Variants in MAF observed in about 807,000 individuals in gnomAD.
MAF encodes the protein MAF bZIP transcription factor, also known as transcription factor Maf.
In MAF, 10 loss-of-function variants were observed where a neutral mutation model predicts 22.0. That is an observed-to-expected ratio of 0.45 (90% CI 0.28 to 0.77). The LOEUF (loss-of-function observed/expected upper bound fraction) is 0.77, where lower values mean the gene tolerates loss of function less well. Among genes scored for constraint, MAF ranks in the 30% least tolerant of loss-of-function variants. The pLI, the probability that MAF is intolerant of heterozygous loss-of-function variation, is 0.12. For missense variants in MAF, 544 were observed against 548.4 expected, an observed-to-expected ratio of 0.99 and a Z score of 0.08; for synonymous variants, 337 against 255.8, an observed-to-expected ratio of 1.32 and a Z score of -3.03.
chr16:79,205,699 C>A, the MAF span: 1 of 152,156 alleles, frequency 6.6e-6, no homozygotes, highest in South Asian at 2.1e-4. Context: ...ATTTCAATAC[C>A]TACAGGAAGT....
At chr16:79,280,421 C>T in the MAF span, among the ~76,000 whole-genome samples, 30 of 152,196 alleles carry the variant, frequency 2.0e-4, no homozygotes, top group African/African-American at 7.0e-4. Context: ...AATACATGTT[C>T]GCAACTATTT....
At chr16:79,237,990 C>T in the MAF span, among the ~76,000 whole-genome samples, 3 of 152,102 alleles carry the variant, frequency 2.0e-5, no homozygotes, top group Non-Finnish European at 4.4e-5. Flanking sequence ...TGACTTGCTT[C>T]TCTACTGACC....
the MAF span, among the ~76,000 whole-genome samples, chr16:79,349,019 A>C: frequency 6.6e-6 from 1 of 152,128 alleles, no homozygotes; most frequent in Non-Finnish European, 1.5e-5. Flanking sequence ...CTCTTCCCCC[A>C]GATGTGGTGA....
chr16:79,326,827 A>T, the MAF span, among the ~76,000 whole-genome samples: 1 of 152,208 alleles, frequency 6.6e-6, no homozygotes, highest in African/African-American at 2.4e-5. Flanking sequence ...GGCAAATATC[A>T]CCAGTAATTC....
chr16:79,490,338 C>T, the MAF span, among the ~76,000 whole-genome samples: 2 of 152,180 alleles, frequency 1.3e-5, no homozygotes, highest in African/African-American at 4.8e-5. Flanking sequence ...GACTGAGATC[C>T]ATCAAAACTT....
chr16:79,401,141 G>A, the MAF span, among the ~76,000 whole-genome samples: 11 of 152,152 alleles, frequency 7.2e-5, no homozygotes, highest in East Asian at 3.9e-4. Context: ...AGGGCGTGGC[G>A]CTGGGTCCTC....
the MAF span, among the ~76,000 whole-genome samples, chr16:79,342,504 T>A: frequency 6.6e-6 from 1 of 152,074 alleles, no homozygotes; most frequent in African/African-American, 2.4e-5. Context: ...GGCCCTAAAT[T>A]TCCTGGGCAG....
At chr16:79,540,293 C>G in the MAF span, among the ~76,000 whole-genome samples, 4 of 151,856 alleles carry the variant, frequency 2.6e-5, no homozygotes, top group African/African-American at 7.3e-5. Flanking sequence ...CCAGACACAT[C>G]GAGATTGCAG....
At chr16:79,567,307 A>G in the MAF span, among the ~76,000 whole-genome samples, 2 of 147,084 alleles carry the variant, frequency 1.4e-5, no homozygotes, top group African/African-American at 2.5e-5. Flanking sequence ...GACAAGAGCA[A>G]GACTCCACCT....
At chr16:79,512,184 C>T in the MAF span, among the ~76,000 whole-genome samples, 50 of 152,276 alleles carry the variant, frequency 3.3e-4, no homozygotes, top group African/African-American at 1.1e-3. Context: ...ATCCTCTACC[C>T]TTGGATCTAA....
chr16:79,427,121 A>G, the MAF span, among the ~76,000 whole-genome samples: 50 of 152,384 alleles, frequency 3.3e-4, no homozygotes, highest in Non-Finnish European at 4.7e-4. Flanking sequence ...GATAATGAGT[A>G]GGAAACTCTT....
In MAF at chr16:79,593,927, G is replaced by A. The variant is rs1348239756; in HGVS notation, c.*533C>T. On this transcript the variant is annotated 3_prime_UTR_variant, in exon 2 of 2. Coordinates refer to ENST00000326043, the MANE Select transcript of MAF (RefSeq NM_005360.5). ...AGCACGTTTGACATCACTGATAAATGCAACACCGTCTAGGGCCTACGAGAA... is the reference window on the plus strand; with the variant it reads ...AGCACGTTTGACATCACTGATAAATACAACACCGTCTAGGGCCTACGAGAA... 2 of 199,820 alleles carry A rather than the reference G, an allele frequency of 1.0e-5. No homozygotes were observed. Among genetic ancestry groups the A allele is most frequent in the Non-Finnish European group, 2.1e-5 (2 of 96,984 alleles). 12.4% of individuals were successfully genotyped at this position (199,820 alleles called of 1,614,324 possible).
At chr16:79,485,622 A>ATT in the MAF span, among the ~76,000 whole-genome samples, 1 of 152,228 alleles carries the variant, frequency 6.6e-6, no homozygotes, top group African/African-American at 2.4e-5. Flanking sequence ...AGTTTATAAG[A>ATT]AAAAGGTTTT....
the MAF span, among the ~76,000 whole-genome samples, chr16:79,548,446 C>A: frequency 9.2e-5 from 14 of 152,088 alleles, no homozygotes; most frequent in African/African-American, 3.4e-4. Context: ...AAGGAAAAAA[C>A]AGCTTTATAT....
the MAF span, among the ~76,000 whole-genome samples, chr16:79,324,286 T>C: frequency 6.6e-6 from 1 of 152,210 alleles, no homozygotes; most frequent in Non-Finnish European, 1.5e-5. Flanking sequence ...TTACAGTTGG[T>C]CTTTGAGCAA....
At chr16:79,533,065 A>C in the MAF span, among the ~76,000 whole-genome samples, 2 of 152,152 alleles carry the variant, frequency 1.3e-5, no homozygotes, top group Non-Finnish European at 2.9e-5. Flanking sequence ...GGGGTAACTT[A>C]GTGTCTTAGT....
the MAF span, among the ~76,000 whole-genome samples, chr16:79,302,670 C>A: frequency 6.6e-6 from 1 of 152,210 alleles, no homozygotes; most frequent in Non-Finnish European, 1.5e-5. Context: ...CAGCACAAAT[C>A]CCCCTGCAGG....
the MAF span, among the ~76,000 whole-genome samples, chr16:79,361,003 T>C: frequency 6.6e-6 from 1 of 152,298 alleles, no homozygotes; most frequent in African/African-American, 2.4e-5. Flanking sequence ...CAAGACTCCT[T>C]CACCCCCCAG....
chr16:79,391,230 T>C, the MAF span, among the ~76,000 whole-genome samples: 2 of 152,172 alleles, frequency 1.3e-5, no homozygotes, highest in Admixed American at 1.3e-4. Flanking sequence ...CCCTCATCTA[T>C]ACAATGGGAA....
Sources: gnomAD v4.1 joint callset for allele counts (sites outside exome capture counted in the v4.1 genomes callset) on GRCh38, gnomAD v4.1.1 for gene constraint, MANE v1.5 for transcripts, NCBI Gene and HGNC (gene_info 2026-07-23, HGNC 2026-07-21) for gene names.